The following WWP1 variants were observed in gnomAD, a reference collection of about 807,000 sequenced individuals.
WWP1 encodes WW domain containing E3 ubiquitin protein ligase 1.
In WWP1, 49 loss-of-function variants were observed where a neutral mutation model predicts 130.6. That is an observed-to-expected ratio of 0.38 (90% CI 0.30 to 0.48). The LOEUF (loss-of-function observed/expected upper bound fraction) is 0.48. WWP1 is among the 20% of genes least tolerant of loss of function. WWP1 has a pLI of 0.99. For missense variants in WWP1, 809 were observed against 1,100.6 expected (o/e 0.74, Z 3.75); for synonymous variants, 332 against 367.8 (o/e 0.90, Z 1.11).
intron 18 of WWP1, among the ~76,000 whole-genome samples, chr8:86,446,910 A>T (rs1013665117): frequency 2.0e-5 from 3 of 152,248 alleles, no homozygotes; most frequent in Admixed American, 6.5e-5. Flanking sequence ...AGTAGTGAGC[A>T]GATATAGTAG....
At chr8:86,425,391 G>T in intron 10 of WWP1, 73 bp downstream of exon 10, 1 of 1,142,174 alleles carries the variant, frequency 8.8e-7, no homozygotes, top group South Asian at 1.5e-5. Context: ...ATTTAGTACA[G>T]CGTAATTTGA....
chr8:86,407,316 G>A (rs1363041827), intron 8 of WWP1, among the ~76,000 whole-genome samples: 1 of 151,620 alleles, frequency 6.6e-6, no homozygotes, highest in East Asian at 1.9e-4. Context: ...TGTTTATTTT[G>A]CAACTACCAT....
At chr8:86,393,279 T>C (rs1807460345) in intron 5 of WWP1, among the ~76,000 whole-genome samples, 1 of 152,144 alleles carries the variant, frequency 6.6e-6, no homozygotes, top group South Asian at 2.1e-4. Flanking sequence ...CGATCTCGGC[T>C]CACTGCAACC....
At chr8:86,430,344 G>A (rs1336790525) in intron 11 of WWP1, among the ~76,000 whole-genome samples, 2 of 152,044 alleles carry the variant, frequency 1.3e-5, no homozygotes, top group African/African-American at 4.8e-5. Context: ...GTAGTAGTGT[G>A]ATCACAGTTC....
At chr8:86,371,463 A>G (rs370915104) in intron 2 of WWP1, among the ~76,000 whole-genome samples, 8 of 152,318 alleles carry the variant, frequency 5.3e-5, no homozygotes, top group East Asian at 1.9e-4. Context: ...CCAGCGGTGT[A>G]TAAGAGCCAC....
At chr8:86,416,397 G>GGA (rs1195479379) in intron 9 of WWP1, among the ~76,000 whole-genome samples, 1 of 152,122 alleles carries the variant, frequency 6.6e-6, no homozygotes, top group Non-Finnish European at 1.5e-5. Flanking sequence ...GTCAGTGGAG[G>GGA]GAGAGATTGG....
chr8:86,449,591 A>C (rs1040226000), intron 20 of WWP1, among the ~76,000 whole-genome samples: 5 of 152,246 alleles, frequency 3.3e-5, no homozygotes, highest in Admixed American at 3.3e-4. Context: ...GATTAGGCCC[A>C]TGGGCCGTAA....
intron 22 of WWP1, among the ~76,000 whole-genome samples, chr8:86,458,886 T>C (rs1811600798): frequency 6.6e-6 from 1 of 152,180 alleles, no homozygotes; most frequent in Non-Finnish European, 1.5e-5. Flanking sequence ...AAGTATTTAA[T>C]GCAACATCAT....
rs1294798768 is a variant in WWP1, at chr8:86,342,617, C to T, written c.-428C>T. 3 of 194,426 alleles carry T rather than the reference C, an allele frequency of 1.5e-5. No individual in the cohort carries two copies. Among genetic ancestry groups the T allele is most frequent in the Admixed American group, 6.1e-5 (1 of 16,328 alleles). The allele number at this position is 194,426 out of a possible 1,614,324, so 12.0% of individuals were successfully genotyped here. Reference sequence around the variant, plus strand: ...CGCGGTGCCGGGGCCGGCGGGGAGGCGCGCGCTTAGGGCGCGGCGCCGGCG... The same window carrying T: ...CGCGGTGCCGGGGCCGGCGGGGAGGTGCGCGCTTAGGGCGCGGCGCCGGCG... On this transcript the variant is annotated 5_prime_UTR_variant, in exon 1 of 25. Coordinates refer to ENST00000517970, the MANE Select transcript of WWP1 (RefSeq NM_007013.4).
At chr8:86,452,300 T>G (rs1811215805) in intron 20 of WWP1, among the ~76,000 whole-genome samples, 1 of 152,214 alleles carries the variant, frequency 6.6e-6, no homozygotes, top group Admixed American at 6.5e-5. Flanking sequence ...TTTATTTTCT[T>G]TCTTTTTTCT....
chr8:86,383,059 A>G (rs1314369509), intron 5 of WWP1, among the ~76,000 whole-genome samples: 1 of 152,214 alleles, frequency 6.6e-6, no homozygotes. Flanking sequence ...ATAATTATGG[A>G]TTATAATAAT....
At chr8:86,374,151 T>A (rs976066580) in intron 3 of WWP1, 31 bp downstream of exon 3, 1 of 1,550,764 alleles carries the variant, frequency 6.4e-7, no homozygotes, top group Non-Finnish European at 8.8e-7. Context: ...ATATGGTGAT[T>A]CCCTGATGAA....
At position 86,342,619 on chromosome 8, in the gene WWP1, C is replaced by A. The variant is rs1355664240; in HGVS notation, c.-426C>A. ...CGGTGCCGGGGCCGGCGGGGAGGCG[C>A]GCGCTTAGGGCGCGGCGCCGGCGAC... On this transcript the variant is annotated 5_prime_UTR_variant, in exon 1 of 25. Coordinates refer to ENST00000517970, the MANE Select transcript of WWP1 (RefSeq NM_007013.4). 5.0e-6 allele frequency: 1 copy of A among 198,704 alleles called. No individual in the cohort carries two copies. The allele number at this position is 198,704 out of a possible 1,614,324, so 12.3% of individuals were successfully genotyped here.
intron 1 of WWP1, among the ~76,000 whole-genome samples, chr8:86,362,377 T>C (rs1823719414): frequency 6.6e-6 from 1 of 151,346 alleles, no homozygotes; most frequent in Non-Finnish European, 1.5e-5. Flanking sequence ...TATTGAGTGA[T>C]TGAATTGTAG....
chr8:86,407,372 C>G (rs1808340667), intron 8 of WWP1, among the ~76,000 whole-genome samples: 1 of 152,144 alleles, frequency 6.6e-6, no homozygotes, highest in African/African-American at 2.4e-5. Flanking sequence ...ATCAGAGTTT[C>G]TCAATTTCAG....
intron 24 of WWP1, 63 bp downstream of exon 24, chr8:86,461,909 TA>T (rs760120064): frequency 3.8e-5 from 51 of 1,358,122 alleles, no homozygotes; most frequent in Non-Finnish European, 4.9e-5. Flanking sequence ...TTTGTTTTTT[TA>T]AAAATATGTA....
chr8:86,396,767 A>G (rs1409793438), intron 5 of WWP1, among the ~76,000 whole-genome samples: 2 of 151,584 alleles, frequency 1.3e-5, no homozygotes, highest in Non-Finnish European at 2.9e-5. Context: ...CTAATTTTTA[A>G]TTTTTTTAAA....
chr8:86,396,158 G>T (rs1355860700), intron 5 of WWP1, among the ~76,000 whole-genome samples: 1 of 151,910 alleles, frequency 6.6e-6, no homozygotes, highest in Non-Finnish European at 1.5e-5. Context: ...GAGTGCAGTG[G>T]CGCGATCTCA....
chr8:86,431,972 A>G (rs1022371293), intron 14 of WWP1, among the ~76,000 whole-genome samples: 1 of 152,212 alleles, frequency 6.6e-6, no homozygotes, highest in Non-Finnish European at 1.5e-5. Flanking sequence ...TAAGTACTTC[A>G]TAGGTATTAA....
Sources: allele counts gnomAD v4.1 joint callset (sites outside exome capture counted in the v4.1 genomes callset), GRCh38; gene constraint gnomAD v4.1.1; transcripts MANE v1.5; gene names NCBI Gene and HGNC (gene_info 2026-07-23, HGNC 2026-07-21).